BLM: variants seen among roughly 807,000 people sequenced by gnomAD.
BLM encodes the protein recQ-like DNA helicase BLM.
A neutral mutation model predicts 135.3 loss-of-function variants in BLM; 95 were observed. The ratio of observed to expected loss-of-function variants is 0.70; its 90% CI spans 0.59 to 0.83. The LOEUF (loss-of-function observed/expected upper bound fraction) is 0.83, where lower values mean the gene tolerates loss of function less well. BLM is among the 40% of genes least tolerant of loss of function. The pLI is 0.00. For synonymous variants in BLM, 520 were observed against 589.2 expected, an observed-to-expected ratio of 0.88 and a Z score of 1.70; for missense variants, 1,518 against 1,663.9, an observed-to-expected ratio of 0.91 and a Z score of 1.53.
At position 90,778,889 on chromosome 15, in the gene BLM, C is replaced by CTTTTTTTTTTTTTTTTT. The variant is rs60733714; in HGVS notation, c.2556-3919_2556-3918insTTTTTTTTTTTTTTTTT. Among the ~76,000 whole-genome samples, 212 of 134,922 alleles carry CTTTTTTTTTTTTTTTTT rather than the reference C, an allele frequency of 1.6e-3. 5 individuals are homozygous for CTTTTTTTTTTTTTTTTT. Among genetic ancestry groups the CTTTTTTTTTTTTTTTTT allele is most frequent in the Non-Finnish European group, 1.8e-3 (112 of 62,384 alleles). 88.5% of individuals were successfully genotyped at this position (134,922 alleles called of 152,430 possible). A position where few individuals can be genotyped will look rare whatever the true frequency, so the allele number is the denominator to read the frequency against. ...ATAGAAACTCTATGTTTAACCCTTT[C>CTTTTTTTTTTTTTTTTT]TTTTTTTTTTTTTTGAGACGGAGTC... On this transcript the variant is annotated intron_variant, in intron 12 of 21. Coordinates refer to ENST00000355112, the MANE Select transcript of BLM (RefSeq NM_000057.4).
intron 1 of BLM, among the ~76,000 whole-genome samples, chr15:90,730,760 A>T (rs1895047315): frequency 6.6e-6 from 1 of 152,086 alleles, no homozygotes; most frequent in South Asian, 2.1e-4. Flanking sequence ...AAGAGTTTTC[A>T]TTATGAATGG....
chr15:90,778,703 G>A (rs1055432997), intron 12 of BLM, among the ~76,000 whole-genome samples: 4 of 152,076 alleles, frequency 2.6e-5, no homozygotes, highest in Admixed American at 6.6e-5. Flanking sequence ...CATTGTAGAC[G>A]TCTACGACAT....
chr15:90,804,025 A>C (rs1897227959), intron 18 of BLM, 142 bp from the exon 19 acceptor site: 2 of 780,160 alleles, frequency 2.6e-6, no homozygotes, highest in Non-Finnish European at 4.2e-6. Context: ...GAGAATGCAC[A>C]GCCCCTGTTC....
At chr15:90,763,721 T>C (rs1189768318) in intron 8 of BLM, among the ~76,000 whole-genome samples, 9 of 152,166 alleles carry the variant, frequency 5.9e-5, no homozygotes, top group African/African-American at 2.2e-4. Flanking sequence ...TAAATGAAAA[T>C]CATTTAGCAC....
At chr15:90,738,342 G>A (rs756922185) in intron 1 of BLM, among the ~76,000 whole-genome samples, 8 of 152,170 alleles carry the variant, frequency 5.3e-5, no homozygotes, top group Non-Finnish European at 1.0e-4. Context: ...AGGCTGCCGG[G>A]ACGGGAGAAT....
At chr15:90,740,629 A>G (rs1377870266) in intron 1 of BLM, among the ~76,000 whole-genome samples, 1 of 152,192 alleles carries the variant, frequency 6.6e-6, no homozygotes, top group African/African-American at 2.4e-5. Context: ...ACATGGTGAT[A>G]TGGTTTGCCT....
chr15:90,809,053 T>C, intron 19 of BLM, 84 bp from the exon 20 acceptor site: 3 of 1,574,280 alleles, frequency 1.9e-6, no homozygotes, highest in Non-Finnish European at 2.6e-6. Flanking sequence ...TTAGCAGACG[T>C]GTGCTGAATG....
rs16944859 is a variant in BLM at position 90,809,018 on chromosome 15, C to T, written c.3752-119C>T. On this transcript the variant is annotated intron_variant, in intron 19 of 21. Coordinates refer to ENST00000355112, the MANE Select transcript of BLM (RefSeq NM_000057.4). ...CCTTTTACAAAATTGGCCTGTGTTC[C>T]CAGTACCCTGCAGTTAGTTGGCACT... The T allele has an allele frequency of 0.011, 15,759 of 1,445,872 alleles. 375 individuals are homozygous for T. The highest frequency in any genetic ancestry group is 0.088 in the African/African-American group (6,251 of 71,402). The allele number at this position is 1,445,872 out of a possible 1,614,324, so 89.6% of individuals were successfully genotyped here. A position where few individuals can be genotyped will look rare whatever the true frequency, so the allele number is the denominator to read the frequency against.
chr15:90,740,074 G>C (rs1355614034), intron 1 of BLM, among the ~76,000 whole-genome samples: 9 of 152,044 alleles, frequency 5.9e-5, no homozygotes, highest in African/African-American at 2.2e-4. Context: ...CTGAATGACA[G>C]GTCTATTGAA....
At chr15:90,798,471 A>G in intron 17 of BLM, 134 bp downstream of exon 17, 1 of 863,820 alleles carries the variant, frequency 1.2e-6, no homozygotes, top group Non-Finnish European at 1.8e-6. Flanking sequence ...ACTTTTAAGT[A>G]ACAAAAGAAA....
intron 1 of BLM, among the ~76,000 whole-genome samples, chr15:90,722,550 G>A (rs571994834): frequency 1.2e-3 from 177 of 152,060 alleles, no homozygotes; most frequent in African/African-American, 4.1e-3. Context: ...TCAGGATCAC[G>A]CCATTGCACT....
chr15:90,752,558 A>G (rs1895716255), intron 4 of BLM, among the ~76,000 whole-genome samples: 1 of 152,194 alleles, frequency 6.6e-6, no homozygotes, highest in African/African-American at 2.4e-5. Flanking sequence ...CACAAAGCTA[A>G]CCCATTATAT....
chr15:90,757,670 T>C (rs774147004), intron 5 of BLM, among the ~76,000 whole-genome samples: 6 of 152,148 alleles, frequency 3.9e-5, no homozygotes, highest in Admixed American at 1.3e-4. Flanking sequence ...CTTCCTGGCT[T>C]GTAAACCATT....
chr15:90,760,212 AC>A lies in BLM; in HGVS notation c.1154del (p.Thr385IlefsTer7), dbSNP rs1409782833. On this transcript the variant is annotated frameshift_variant, in exon 6 of 22. Coordinates refer to ENST00000355112, the MANE Select transcript of BLM (RefSeq NM_000057.4). LOFTEE classifies it high-confidence loss of function. ...VMEHICKLID[T>X]IPDDKLKLLD... is the part of the protein sequence containing the mutation. ...GGAGCACATCTGTAAATTAATTGATACTATTCCTGATGATAAACTGAAACTT... is the reference window on the plus strand; with the variant it reads ...GGAGCACATCTGTAAATTAATTGATATATTCCTGATGATAAACTGAAACTT... 1.2e-6 allele frequency: 2 copies of A among 1,613,652 alleles called. No individual in the cohort carries two copies. Among genetic ancestry groups the A allele is most frequent in the African/African-American group, 2.7e-5 (2 of 74,906 alleles).
At position 90,793,107 on chromosome 15, in the gene BLM, G is replaced by GA. The variant is rs536644981; in HGVS notation, c.3020-1053dup. Among the ~76,000 whole-genome samples the GA allele has an allele frequency of 4.1e-3, 617 of 149,326 alleles. 1 individual carries two copies. Among genetic ancestry groups the GA allele is most frequent in the Non-Finnish European group, 6.8e-3 (457 of 67,384 alleles). ...GGGGAAAAATACTCATAAACTGGAA[G>GA]AAAAAAATAATATTTTTTAAAAATT... On this transcript the variant is annotated intron_variant, in intron 15 of 21. Transcript: ENST00000355112.
At position 90,736,805 on chromosome 15, in the gene BLM, G is replaced by C. The variant is rs75308429; in HGVS notation, c.-4-10584G>C. ...GTGCTATTTTTTATGTAAGAAAGAA[G>C]GGAAAATATGAGACTCTAATGTCTG... On this transcript the variant is annotated intron_variant, in intron 1 of 21. Coordinates refer to ENST00000355112, the MANE Select transcript of BLM (RefSeq NM_000057.4). Among the ~76,000 whole-genome samples, 872 of 152,154 alleles carry C rather than the reference G, an allele frequency of 5.7e-3. 13 individuals are homozygous for C. Among genetic ancestry groups the C allele is most frequent in the African/African-American group, 0.02 (821 of 41,490 alleles).
At position 90,760,817 on chromosome 15, in the gene BLM, A is replaced by G. The variant is rs1179030077; in HGVS notation, c.1444A>G (p.Thr482Ala). The change falls in exon 7 of 22, where the codon ACC becomes GCC. Residue 482 changes from threonine (T) to alanine (A), a missense_variant. Coordinates refer to ENST00000355112, the MANE Select transcript of BLM (RefSeq NM_000057.4). ...TTLGKTGFSATRKNLFERPLF... is the reference protein window; with the variant it reads ...TTLGKTGFSAARKNLFERPLF... Reference sequence around the variant, plus strand: ...CCTAGGAAAGACAGGATTCTCTGCCACCAGGAAGAATCTTTTTGAAAGGCC... The same window carrying G: ...CCTAGGAAAGACAGGATTCTCTGCCGCCAGGAAGAATCTTTTTGAAAGGCC... 6.2e-7 allele frequency: 1 copy of G among 1,614,052 alleles called. No homozygotes were observed. Among genetic ancestry groups the G allele is most frequent in the South Asian group, 1.1e-5 (1 of 91,090 alleles).
intron 14 of BLM, among the ~76,000 whole-genome samples, chr15:90,789,997 T>G (rs1005523330): frequency 0.011 from 719 of 64,572 alleles, 12 homozygotes; most frequent in African/African-American, 0.055. Flanking sequence ...GTTTTTTTTT[T>G]TTTTTTTTTT....
chr15:90,720,671 T>A (rs1894740562), intron 1 of BLM, among the ~76,000 whole-genome samples: 2 of 151,988 alleles, frequency 1.3e-5, no homozygotes, highest in African/African-American at 4.8e-5. Context: ...AGCTCCAGCC[T>A]CCCGGGCTCA....
Sources: allele counts gnomAD v4.1 joint callset (sites outside exome capture counted in the v4.1 genomes callset), GRCh38; gene constraint gnomAD v4.1.1; transcripts MANE v1.5; gene names NCBI Gene and HGNC (gene_info 2026-07-23, HGNC 2026-07-21).